The following NYAP2 variants were observed in gnomAD, a reference collection of about 807,000 sequenced individuals.
The protein encoded by NYAP2 is neuronal tyrosine-phosphorylated phosphoinositide-3-kinase adaptor 2.
A neutral mutation model predicts 50.4 loss-of-function variants in NYAP2; 23 were observed. The observed-to-expected ratio is 0.46, with a 90% CI of 0.33 to 0.65. The LOEUF (loss-of-function observed/expected upper bound fraction) is 0.65. NYAP2 is among the 30% of genes least tolerant of loss of function. NYAP2 has a pLI of 0.02. For missense variants in NYAP2, 885 were observed against 861.0 expected, an observed-to-expected ratio of 1.03 and a Z score of -0.35; for synonymous variants, 394 against 365.2, an observed-to-expected ratio of 1.08 and a Z score of -0.90.
At chr2:225,494,216 A>G (rs1457394442) in intron 3 of NYAP2, among the ~76,000 whole-genome samples, 1 of 152,264 alleles carries the variant, frequency 6.6e-6, no homozygotes, top group Admixed American at 6.5e-5. Context: ...CACATAGATC[A>G]CTGTCCTTCA....
At chr2:225,457,306 G>A (rs913348433) in intron 3 of NYAP2, among the ~76,000 whole-genome samples, 3 of 152,048 alleles carry the variant, frequency 2.0e-5, no homozygotes, top group African/African-American at 4.8e-5. Context: ...AAGCTCTCAG[G>A]TTTATTTCTA....
intron 3 of NYAP2, among the ~76,000 whole-genome samples, chr2:225,509,998 T>C (rs558958546): frequency 6.6e-6 from 1 of 152,348 alleles, no homozygotes; most frequent in South Asian, 2.1e-4. Flanking sequence ...GGAAAGATTA[T>C]AAGCCACATC....
chr2:225,418,797 A>C (rs572923827), intron 3 of NYAP2, among the ~76,000 whole-genome samples: 53 of 152,342 alleles, frequency 3.5e-4, no homozygotes, highest in African/African-American at 1.2e-3. Flanking sequence ...ACTTTTAGAA[A>C]AGTCAAAAAT....
chr2:225,578,280 G>C (rs1692203645), intron 4 of NYAP2, among the ~76,000 whole-genome samples: 1 of 151,962 alleles, frequency 6.6e-6, no homozygotes, highest in Non-Finnish European at 1.5e-5. Flanking sequence ...AAAAGGACTG[G>C]AGGGGAAATT....
chr2:225,624,901 G>A (rs1003545491), intron 5 of NYAP2, among the ~76,000 whole-genome samples: 3 of 151,810 alleles, frequency 2.0e-5, no homozygotes, highest in African/African-American at 7.3e-5. Context: ...CAAAGCTGAG[G>A]CCTCTGAGAT....
chr2:225,648,202 T>C (rs1693667276), intron 6 of NYAP2, among the ~76,000 whole-genome samples: 5 of 152,078 alleles, frequency 3.3e-5, no homozygotes, highest in Admixed American at 3.3e-4. Context: ...GGTTTCACCA[T>C]GTTGGCCAGG....
At chr2:225,414,508 C>T (rs1695092422) in intron 3 of NYAP2, among the ~76,000 whole-genome samples, 1 of 152,036 alleles carries the variant, frequency 6.6e-6, no homozygotes, top group Admixed American at 6.6e-5. Flanking sequence ...GTTGCAAAAT[C>T]CCAGTTTATC....
chr2:225,437,563 A>G (rs1689399738), intron 3 of NYAP2, among the ~76,000 whole-genome samples: 1 of 152,200 alleles, frequency 6.6e-6, no homozygotes, highest in Admixed American at 6.5e-5. Context: ...GAACAAAGTC[A>G]CAATGCATGG....
intron 5 of NYAP2, among the ~76,000 whole-genome samples, chr2:225,620,427 G>A (rs1270500093): frequency 3.6e-5 from 1 of 28,106 alleles, no homozygotes; most frequent in Non-Finnish European, 9.2e-5. Flanking sequence ...GCACGCACAC[G>A]CACGCACACA....
intron 2 of NYAP2, among the ~76,000 whole-genome samples, chr2:225,402,910 T>C (rs1208291775): frequency 6.6e-6 from 1 of 152,060 alleles, no homozygotes; most frequent in Non-Finnish European, 1.5e-5. Context: ...GTGTTATGGG[T>C]TATAACCAGG....
intron 5 of NYAP2, among the ~76,000 whole-genome samples, chr2:225,584,065 A>G (rs371210328): frequency 6.6e-6 from 1 of 152,182 alleles, no homozygotes; most frequent in African/African-American, 2.4e-5. Flanking sequence ...AAACAAAAAA[A>G]AAACCTTCTT....
chr2:225,552,016 T>A (rs531039620), intron 4 of NYAP2, among the ~76,000 whole-genome samples: 1 of 152,308 alleles, frequency 6.6e-6, no homozygotes, highest in East Asian at 1.9e-4. Context: ...TTTTACTATG[T>A]TGGCCAGGTT....
intron 3 of NYAP2, among the ~76,000 whole-genome samples, chr2:225,450,245 T>G (rs1301389157): frequency 1.3e-5 from 2 of 152,192 alleles, no homozygotes; most frequent in Non-Finnish European, 2.9e-5. Flanking sequence ...TAGCCTCATG[T>G]GGAAAATGCA....
the NYAP2 span, among the ~76,000 whole-genome samples, chr2:225,691,880 A>G: frequency 4.2e-3 from 638 of 152,206 alleles, 6 homozygotes; most frequent in African/African-American, 0.014. Context: ...GGTTAAACTT[A>G]CACTCCTTAT....
At chr2:225,550,829 C>A (rs1461529635) in intron 4 of NYAP2, among the ~76,000 whole-genome samples, 1 of 152,022 alleles carries the variant, frequency 6.6e-6, no homozygotes, top group East Asian at 1.9e-4. Context: ...CCAATGCAAC[C>A]AAAGAAGGGA....
intron 5 of NYAP2, among the ~76,000 whole-genome samples, chr2:225,620,891 G>A (rs1186145656): frequency 1.3e-5 from 2 of 152,248 alleles, no homozygotes; most frequent in East Asian, 3.9e-4. Flanking sequence ...CAAGGTGGGT[G>A]GATCACGAGG....
chr2:225,544,996 T>C (rs1455063029), intron 4 of NYAP2, among the ~76,000 whole-genome samples: 1 of 152,210 alleles, frequency 6.6e-6, no homozygotes, highest in Non-Finnish European at 1.5e-5. Context: ...TTCAGCACTT[T>C]AAATATGTCA....
chr2:225,407,178 G>A (rs922779074), intron 2 of NYAP2, among the ~76,000 whole-genome samples: 1 of 151,952 alleles, frequency 6.6e-6, no homozygotes, highest in Non-Finnish European at 1.5e-5. Context: ...CAATGCTTTA[G>A]CTCTCTGAGA....
intron 4 of NYAP2, among the ~76,000 whole-genome samples, chr2:225,566,827 A>G (rs1691969812): frequency 6.6e-6 from 1 of 152,080 alleles, no homozygotes; most frequent in South Asian, 2.1e-4. Context: ...TTGGACTTCT[A>G]GTGTTTGATT....
Sources: gnomAD v4.1 joint callset for allele counts (sites outside exome capture counted in the v4.1 genomes callset) on GRCh38, gnomAD v4.1.1 for gene constraint, MANE v1.5 for transcripts, NCBI Gene and HGNC (gene_info 2026-07-23, HGNC 2026-07-21) for gene names.